ARSG: variants seen among roughly 807,000 people sequenced by gnomAD.
The protein encoded by ARSG is arylsulfatase G, also known as ASG.
ARSG carries 37 observed loss-of-function variants against 50.5 expected under a neutral mutation model. That is an observed-to-expected ratio of 0.73 (90% CI 0.56 to 0.96). The LOEUF (loss-of-function observed/expected upper bound fraction) is 0.96. ARSG is among the 50% of genes least tolerant of loss of function. The pLI, the probability that ARSG is intolerant of heterozygous loss-of-function variation, is 0.00. For missense variants in ARSG, 629 were observed against 675.3 expected (o/e 0.93, Z 0.76); for synonymous variants, 225 against 254.6 (o/e 0.88, Z 1.11).
intron 1 of ARSG, among the ~76,000 whole-genome samples, chr17:68,302,301 C>T (rs1019217933): frequency 2.6e-5 from 4 of 152,152 alleles, no homozygotes; most frequent in African/African-American, 7.2e-5. Flanking sequence ...CTCCCCCCTG[C>T]TCTTTTGTCT....
chr17:68,269,692 A>G (rs1487114358), intron 1 of ARSG, among the ~76,000 whole-genome samples: 1 of 20,368 alleles, frequency 4.9e-5, no homozygotes, highest in Admixed American at 6.0e-4. Flanking sequence ...TTTTTTTTTT[A>G]GACAGAGTTT....
At chr17:68,345,495 C>T (rs887196656) in intron 3 of ARSG, among the ~76,000 whole-genome samples, 1 of 152,182 alleles carries the variant, frequency 6.6e-6, no homozygotes, top group Admixed American at 6.5e-5. Context: ...GACTGTTTAG[C>T]TGCATTCCTC....
At chr17:68,342,830 A>G (rs1002212001) in intron 2 of ARSG, among the ~76,000 whole-genome samples, 1 of 152,356 alleles carries the variant, frequency 6.6e-6, no homozygotes, top group South Asian at 2.1e-4. Flanking sequence ...ACATTTGTTT[A>G]CAGTGCGATA....
At position 68,381,611 on chromosome 17, in the gene ARSG, G is replaced by A. The variant is rs913173254; in HGVS notation, c.983-3453G>A. The stretch of plus-strand genomic sequence containing the variant: ...TGCTATGGCATAGAGGTATAAAGTC[G>A]TGGGCAACAGAAAGCCTGCAGTGAC... On this transcript the variant is annotated intron_variant, in intron 8 of 11. Coordinates refer to ENST00000621439, the MANE Select transcript of ARSG (RefSeq NM_001267727.2). This position sits in a 1 kb window ranked among gnomAD's most constrained non-coding sequence, Gnocchi z 4.1. 6.6e-6 allele frequency among the ~76,000 whole-genome samples: 1 copy of A among 152,168 alleles called. No individual in the cohort carries two copies. The highest frequency in any genetic ancestry group is 1.5e-5 in the Non-Finnish European group (1 of 68,032).
intron 5 of ARSG, among the ~76,000 whole-genome samples, 181 bp downstream of exon 5, chr17:68,351,867 C>T (rs555451276): frequency 2.0e-5 from 3 of 152,276 alleles, no homozygotes; most frequent in East Asian, 1.9e-4. Flanking sequence ...AACCTTTCAA[C>T]GATGAGGTCC....
intron 2 of ARSG, among the ~76,000 whole-genome samples, chr17:68,323,715 A>G (rs1456537764): frequency 1.3e-5 from 2 of 152,170 alleles, no homozygotes; most frequent in Non-Finnish European, 2.9e-5. Flanking sequence ...CATTCAGTCC[A>G]TGGAACCAGG....
chr17:68,426,250 G>GGGGGGGGGGT, downstream of ARSG: 1 of 828,054 alleles, frequency 1.2e-6, no homozygotes, highest in South Asian at 1.3e-5. Flanking sequence ...GGTGGGGAGC[G>GGGGGGGGGGT]GGGGCTCAAA....
intron 1 of ARSG, among the ~76,000 whole-genome samples, chr17:68,299,123 G>C (rs1378677894): frequency 7.2e-5 from 4 of 55,500 alleles, no homozygotes; most frequent in Non-Finnish European, 1.5e-4. Flanking sequence ...TTTTTTTTTT[G>C]AGACAGAGTC....
chr17:68,328,089 A>G (rs1311781989), intron 2 of ARSG, among the ~76,000 whole-genome samples: 1 of 152,038 alleles, frequency 6.6e-6, no homozygotes, highest in Non-Finnish European at 1.5e-5. Flanking sequence ...TTGACATGTG[A>G]CATACGTGTG....
At chr17:68,328,808 G>A (rs1262240014) in intron 2 of ARSG, among the ~76,000 whole-genome samples, 2 of 152,214 alleles carry the variant, frequency 1.3e-5, no homozygotes, top group Non-Finnish European at 2.9e-5. Context: ...AGCTGAGGAA[G>A]CCAGTGTCGA....
intron 11 of ARSG, among the ~76,000 whole-genome samples, chr17:68,406,180 T>C (rs868274832): frequency 2.0e-5 from 3 of 152,216 alleles, no homozygotes; most frequent in East Asian, 1.9e-4. Flanking sequence ...CTTAGAATAA[T>C]AGCCTCCAGT....
chr17:68,292,205 T>C (rs1555756510), intron 1 of ARSG, among the ~76,000 whole-genome samples: 1 of 151,778 alleles, frequency 6.6e-6, no homozygotes, highest in Non-Finnish European at 1.5e-5. Context: ...GCAGCCGGGC[T>C]GAGTCAGCAT....
At chr17:68,441,361 G>A in the ARSG span, among the ~76,000 whole-genome samples, 1 of 152,238 alleles carries the variant, frequency 6.6e-6, no homozygotes. Flanking sequence ...TAATTTACTT[G>A]TAGTTTATGA....
At chr17:68,273,900 A>G (rs1555749958) in intron 1 of ARSG, 1 of 1,610,124 alleles carries the variant, frequency 6.2e-7, no homozygotes, top group Non-Finnish European at 8.5e-7. Flanking sequence ...TGTCTAGACA[A>G]CTTCTGAGCC....
chr17:68,402,962 A>G (rs1203590083), intron 11 of ARSG, among the ~76,000 whole-genome samples: 2 of 152,238 alleles, frequency 1.3e-5, no homozygotes, highest in Admixed American at 6.5e-5. Context: ...TAAAAAAAGG[A>G]AAACCTGTGA....
chr17:68,444,586 G>A, the ARSG span: 1 of 1,612,888 alleles, frequency 6.2e-7, no homozygotes, highest in Non-Finnish European at 8.5e-7. Context: ...CAAACCAGCA[G>A]CCTCTGTAAT....
At position 68,307,490 on chromosome 17, in the gene ARSG, C is replaced by T. The variant is rs2145587182; in HGVS notation, c.-4C>T. On this transcript the variant is annotated 5_prime_UTR_variant, in exon 2 of 12. Coordinates refer to ENST00000621439, the MANE Select transcript of ARSG (RefSeq NM_001267727.2). ...CAGACAATCGGAATCCTGCCTTCAC[C>T]ACCATGGGCTGGCTTTTTCTAAAGG... 1 of 1,611,008 alleles carries T rather than the reference C, an allele frequency of 6.2e-7. No individual in the cohort carries two copies. The highest frequency in any genetic ancestry group is 1.3e-5 in the African/African-American group (1 of 74,872).
chr17:68,306,318 G>A (rs1265998209), intron 1 of ARSG, among the ~76,000 whole-genome samples: 7 of 151,992 alleles, frequency 4.6e-5, no homozygotes, highest in Non-Finnish European at 7.4e-5. Context: ...TCTTGAACCC[G>A]GGAGGCGGAG....
chr17:68,437,948 T>TAAAAAAAAAAAAAAAA, the ARSG span, among the ~76,000 whole-genome samples: 12 of 78,798 alleles, frequency 1.5e-4, no homozygotes, highest in African/African-American at 5.7e-4. Flanking sequence ...ACATCTCTCT[T>TAAAAAAAAAAAAAAAA]AAAAAAAAAA....
Sources: gnomAD v4.1 joint callset for allele counts (sites outside exome capture counted in the v4.1 genomes callset) on GRCh38, gnomAD v4.1.1 for gene constraint, Gnocchi (gnomAD v3.1) non-coding constraint, MANE v1.5 for transcripts, NCBI Gene and HGNC (gene_info 2026-07-23, HGNC 2026-07-21) for gene names.